NEK10: variants seen among roughly 807,000 people sequenced by gnomAD.
The protein encoded by NEK10 is NIMA related kinase 10.
Under a neutral mutation model 159.8 loss-of-function variants are expected in NEK10, and 122 were observed. The ratio of observed to expected loss-of-function variants is 0.76; its 90% CI spans 0.66 to 0.89. NEK10 has a LOEUF of 0.89. NEK10 is among the 40% of genes least tolerant of loss of function. The pLI is 0.00. For synonymous variants in NEK10, 466 were observed against 457.1 expected, an observed-to-expected ratio of 1.02 and a Z score of -0.25; for missense variants, 1,342 against 1,323.1, an observed-to-expected ratio of 1.01 and a Z score of -0.22.
chr3:27,139,210 G>A (rs1375398236), intron 31 of NEK10, among the ~76,000 whole-genome samples: 2 of 152,148 alleles, frequency 1.3e-5, no homozygotes, highest in African/African-American at 4.8e-5. Flanking sequence ...ATCTTGTTGA[G>A]ACTACCCAAG....
At chr3:27,199,152 T>C (rs1208815589) in intron 25 of NEK10, among the ~76,000 whole-genome samples, 2 of 150,832 alleles carry the variant, frequency 1.3e-5, no homozygotes, top group East Asian at 1.9e-4. Context: ...CAGCAAAGGA[T>C]ACTATCAACA....
At chr3:27,251,949 CAGGCTTTATT>C (rs1955713667) in intron 23 of NEK10, among the ~76,000 whole-genome samples, 1 of 152,144 alleles carries the variant, frequency 6.6e-6, no homozygotes, top group South Asian at 2.1e-4. Flanking sequence ...GCATTTTCTT[CAGGCTTTATT>C]AGGGTAAAAA....
chr3:27,322,122 C>CT lies in NEK10; in HGVS notation c.447+54dup, dbSNP rs1379646984. On this transcript the variant is annotated intron_variant, in intron 6 of 35. Coordinates refer to ENST00000691995, the MANE Select transcript of NEK10 (RefSeq NM_001394966.1). Reference sequence around the variant, plus strand: ...CTACTTCAAAGAAAAGCCCACCAGTCTTTTATTACAACTTTATAACAAGTA... The same window carrying CT: ...CTACTTCAAAGAAAAGCCCACCAGTCTTTTTATTACAACTTTATAACAAGTA... 98 of 935,510 alleles carry CT rather than the reference C, an allele frequency of 1.0e-4. No homozygotes were observed. The South Asian group carries it at 1.5e-3, about 14-fold the overall frequency. 58.0% of individuals were successfully genotyped at this position (935,510 alleles called of 1,614,324 possible).
chr3:27,231,372 A>T (rs1953246633), intron 23 of NEK10, among the ~76,000 whole-genome samples: 1 of 152,052 alleles, frequency 6.6e-6, no homozygotes, highest in South Asian at 2.1e-4. Flanking sequence ...AGTTCATAGC[A>T]TTAAATGCCT....
intron 1 of NEK10, among the ~76,000 whole-genome samples, chr3:27,358,333 T>C (rs971316325): frequency 6.6e-6 from 1 of 152,216 alleles, no homozygotes; most frequent in South Asian, 2.1e-4. Context: ...CCATCTCAGA[T>C]GGGAGAGAAG....
rs543156130 is a variant in NEK10, at chr3:27,352,705, C to T, written c.71+107G>A. The T allele has an allele frequency of 3.7e-5, 32 of 854,432 alleles. No homozygotes were observed. In the South Asian group the frequency reaches 4.4e-4, roughly 12 times the overall value. The allele number at this position is 854,432 out of a possible 1,614,324, so 52.9% of individuals were successfully genotyped here. On this transcript the variant is annotated intron_variant, in intron 2 of 35. Transcript: ENST00000691995. ...AGATGTTTCAGTAAGCACTGTAACTCTGAATAGTAGTTGTCAAGAGTCTTC... is the reference window on the plus strand; with the variant it reads ...AGATGTTTCAGTAAGCACTGTAACTTTGAATAGTAGTTGTCAAGAGTCTTC...
intron 23 of NEK10, among the ~76,000 whole-genome samples, chr3:27,203,435 C>T (rs1312626670): frequency 6.6e-6 from 1 of 152,140 alleles, no homozygotes; most frequent in Admixed American, 6.5e-5. Context: ...AAATAATTTG[C>T]AACGGTTCAT....
chr3:27,233,188 T>G (rs1953494839), intron 23 of NEK10, among the ~76,000 whole-genome samples: 1 of 151,002 alleles, frequency 6.6e-6, no homozygotes, highest in Admixed American at 6.6e-5. Context: ...TCAAAACAAG[T>G]CAACAAGAAA....
At chr3:27,247,386 A>G (rs1434209418) in intron 23 of NEK10, among the ~76,000 whole-genome samples, 1 of 152,142 alleles carries the variant, frequency 6.6e-6, no homozygotes, top group Non-Finnish European at 1.5e-5. Context: ...AAATGATCAT[A>G]TAGTTGTTGT....
At chr3:27,147,233 G>A (rs556701601) in intron 30 of NEK10, among the ~76,000 whole-genome samples, 3 of 152,190 alleles carry the variant, frequency 2.0e-5, no homozygotes, top group Non-Finnish European at 4.4e-5. Context: ...TCCACATGGG[G>A]AGCAGGAGCC....
rs189362387 is a variant in NEK10 at position 27,127,112 on chromosome 3, C to T, written c.3081+4768G>A. On this transcript the variant is annotated intron_variant, in intron 32 of 35. Transcript: ENST00000691995. The stretch of plus-strand genomic sequence containing the variant: ...AATTCAATGAATTCCACGTACCCGT[C>T]ACCCAGTTAAAACATGTTCAATCTT... Among the ~76,000 whole-genome samples the T allele has an allele frequency of 4.2e-3, 635 of 152,270 alleles. 3 individuals are homozygous for T. The highest frequency in any genetic ancestry group is 0.015 in the African/African-American group (603 of 41,560).
At chr3:27,159,848 A>G (rs749852084) in intron 30 of NEK10, among the ~76,000 whole-genome samples, 1 of 151,722 alleles carries the variant, frequency 6.6e-6, no homozygotes, top group African/African-American at 2.4e-5. Flanking sequence ...TCATATTACA[A>G]TATAGGCACT....
chr3:27,221,342 C>T (rs1952080197), intron 23 of NEK10, among the ~76,000 whole-genome samples: 1 of 152,080 alleles, frequency 6.6e-6, no homozygotes, highest in South Asian at 2.1e-4. Context: ...TAAAAATGGG[C>T]AAAAACAAAG....
intron 6 of NEK10, among the ~76,000 whole-genome samples, chr3:27,315,097 A>C (rs1258532483): frequency 6.6e-6 from 1 of 152,218 alleles, no homozygotes; most frequent in Non-Finnish European, 1.5e-5. Flanking sequence ...GGTTAGCCAC[A>C]TTGTCATTTA....
At chr3:27,168,878 C>A (rs997490284) in intron 29 of NEK10, among the ~76,000 whole-genome samples, 1 of 152,196 alleles carries the variant, frequency 6.6e-6, no homozygotes, top group South Asian at 2.1e-4. Flanking sequence ...TTGTTCTATA[C>A]CCCTGTTTCA....
At chr3:27,269,508 G>A (rs889828261) in intron 22 of NEK10, among the ~76,000 whole-genome samples, 4 of 152,180 alleles carry the variant, frequency 2.6e-5, no homozygotes, top group African/African-American at 9.7e-5. Flanking sequence ...TCAGATGATT[G>A]TTAGCACTTT....
chr3:27,304,364 CATT>C (rs2044069839), intron 12 of NEK10, among the ~76,000 whole-genome samples: 1 of 152,066 alleles, frequency 6.6e-6, no homozygotes, highest in Non-Finnish European at 1.5e-5. Context: ...TATTAGTAAT[CATT>C]ATACTTGGAA....
chr3:27,192,151 A>G lies in NEK10; in HGVS notation c.2383T>C (p.Ser795Pro). Reference sequence around the variant, plus strand: ...TTTTCCAAGGACAACTGGGATGTAGATAAGTTGTCTAAATATTTCATCATG... The same window carrying G: ...TTTTCCAAGGACAACTGGGATGTAGGTAAGTTGTCTAAATATTTCATCATG... ...DVMMKYLDNL[S>P]TSQLSLEKKL... Residue 795 changes from serine (S) to proline (P), a missense_variant, in exon 26 of 36, where the codon TCT (serine) becomes CCT (proline). By Grantham distance (74) the Ser-to-Pro change is moderately conservative. Transcript: ENST00000691995. 6.2e-7 allele frequency: 1 copy of G among 1,613,968 alleles called. No homozygotes were observed.
chr3:27,153,115 T>A (rs1559521400), intron 30 of NEK10, among the ~76,000 whole-genome samples: 1 of 152,034 alleles, frequency 6.6e-6, no homozygotes, highest in Non-Finnish European at 1.5e-5. Flanking sequence ...GGTCAGGAGA[T>A]CGAGACTATC....
Sources: gnomAD v4.1 joint callset for allele counts (sites outside exome capture counted in the v4.1 genomes callset) on GRCh38, gnomAD v4.1.1 for gene constraint, MANE v1.5 for transcripts, NCBI Gene and HGNC (gene_info 2026-07-23, HGNC 2026-07-21) for gene names.